The following PIGK variants were observed in gnomAD, a reference collection of about 807,000 sequenced individuals.
PIGK encodes GPI-anchor transamidase.
PIGK carries 42 observed loss-of-function variants against 50.6 expected under a neutral mutation model. That is an observed-to-expected ratio of 0.83 (90% CI 0.65 to 1.07). The LOEUF (loss-of-function observed/expected upper bound fraction) is 1.07, where lower values mean the gene tolerates loss of function less well. PIGK is among the 50% of genes least tolerant of loss of function. The pLI is 0.00. For synonymous variants in PIGK, 151 were observed against 156.0 expected (o/e 0.97, Z 0.24); for missense variants, 448 against 488.7 (o/e 0.92, Z 0.78).
chr1:77,120,590 A>G (rs1024948361), intron 10 of PIGK, among the ~76,000 whole-genome samples: 14 of 152,188 alleles, frequency 9.2e-5, no homozygotes, highest in African/African-American at 3.4e-4. Flanking sequence ...TTTCTAAAAG[A>G]CCAGTTGGAC....
chr1:77,219,189 C>G (rs1463507471), intron 1 of PIGK, 121 bp downstream of exon 1: 1 of 752,070 alleles, frequency 1.3e-6, no homozygotes, highest in African/African-American at 1.8e-5. Flanking sequence ...CCTCCTCAAA[C>G]CCAGCCTGGG....
At chr1:77,158,998 C>T (rs528386726) in intron 8 of PIGK, among the ~76,000 whole-genome samples, 1 of 152,260 alleles carries the variant, frequency 6.6e-6, no homozygotes, top group South Asian at 2.1e-4. Flanking sequence ...GGGAAAATGT[C>T]TCCAGGGCAT....
chr1:77,206,497 T>C, intron 3 of PIGK, 143 bp downstream of exon 3: 1 of 520,172 alleles, frequency 1.9e-6, no homozygotes, highest in South Asian at 2.8e-5. Context: ...CATGGTAGTA[T>C]GCTCTAATGA....
Position 77,154,624 on chromosome 1 carries a change from G to A in PIGK, c.814-3C>T. Reference sequence around the variant, plus strand: ...AGACTTTTGGGACATACCTGAAACTGAAAAAATATATAATAATAAATGCAT... The same window carrying A: ...AGACTTTTGGGACATACCTGAAACTAAAAAAATATATAATAATAAATGCAT... On this transcript the variant is annotated splice_polypyrimidine_tract_variant and splice_region_variant and intron_variant, in intron 8 of 10. Coordinates refer to ENST00000370812, the MANE Select transcript of PIGK (RefSeq NM_005482.3). 1 of 1,586,472 alleles carries A rather than the reference G, an allele frequency of 6.3e-7. No individual in the cohort carries two copies. Among genetic ancestry groups the A allele is most frequent in the South Asian group, 1.1e-5 (1 of 89,002 alleles).
intron 9 of PIGK, among the ~76,000 whole-genome samples, chr1:77,128,393 T>C (rs1049440321): frequency 6.6e-6 from 1 of 152,186 alleles, no homozygotes; most frequent in African/African-American, 2.4e-5. Flanking sequence ...TCCAATGTAG[T>C]ATAAAAATGC....
rs1261644266 is a variant in PIGK at position 77,092,451 on chromosome 1, T to C, written c.1111A>G (p.Ile371Val). ...LKDWHPPGGFILGLWALIIMV... is the reference protein window; with the variant it reads ...LKDWHPPGGFVLGLWALIIMV... ...ATAATAAGTGCCCATAATCCCAGAA[T>C]AAAGCCCCCAGGAGGATGCCAGTCT... Residue 371 changes from isoleucine to valine, a missense_variant, in exon 11 of 11, where the codon ATT (isoleucine) becomes GTT (valine). Physicochemically the swap from Ile to Val is conservative, Grantham distance 29. Transcript: ENST00000370812. The C allele has an allele frequency of 6.2e-7, 1 of 1,606,702 alleles. No individual in the cohort carries two copies. The highest frequency in any genetic ancestry group is 2.2e-5 in the East Asian group (1 of 44,606).
intron 3 of PIGK, among the ~76,000 whole-genome samples, chr1:77,175,627 C>G (rs1286429227): frequency 6.6e-6 from 1 of 152,020 alleles, no homozygotes; most frequent in Non-Finnish European, 1.5e-5. Context: ...AGAGGGTTAA[C>G]AGATTGTTTT....
At chr1:77,210,698 C>A (rs985301406) in intron 1 of PIGK, among the ~76,000 whole-genome samples, 11 of 152,016 alleles carry the variant, frequency 7.2e-5, no homozygotes, top group Non-Finnish European at 1.3e-4. Flanking sequence ...AAGTCCTGAA[C>A]TGGAAATCTG....
intron 3 of PIGK, 77 bp from the exon 4 acceptor site, chr1:77,169,472 A>G (rs1655309132): frequency 8.6e-7 from 1 of 1,167,472 alleles, no homozygotes; most frequent in South Asian, 1.5e-5. Context: ...TATATCATGT[A>G]GCTACTGTGT....
At chr1:77,099,614 C>T (rs1653497518) in intron 10 of PIGK, among the ~76,000 whole-genome samples, 1 of 152,144 alleles carries the variant, frequency 6.6e-6, no homozygotes, top group South Asian at 2.1e-4. Context: ...ATATCGCTGA[C>T]ATATGACAAC....
At chr1:77,215,710 G>T (rs1263606215) in intron 1 of PIGK, among the ~76,000 whole-genome samples, 1 of 152,130 alleles carries the variant, frequency 6.6e-6, no homozygotes. Context: ...AAATGTGTGT[G>T]TGTGCGTGCA....
intron 9 of PIGK, among the ~76,000 whole-genome samples, chr1:77,141,953 G>A (rs748308795): frequency 3.3e-4 from 50 of 152,038 alleles, no homozygotes; most frequent in Middle Eastern, 3.5e-3. Flanking sequence ...TCACAGATCC[G>A]TATCATTTAC....
At position 77,142,634 on chromosome 1, in the gene PIGK, G is replaced by A. The variant is rs115200852; in HGVS notation, c.986+11815C>T. On this transcript the variant is annotated intron_variant, in intron 9 of 10. Coordinates refer to ENST00000370812, the MANE Select transcript of PIGK (RefSeq NM_005482.3). ...TACGAACATGGCAGAAGGCAAAGGGGAAGCAAGGACCTTCTTCATATGGTG... is the reference window on the plus strand; with the variant it reads ...TACGAACATGGCAGAAGGCAAAGGGAAAGCAAGGACCTTCTTCATATGGTG... Among the ~76,000 whole-genome samples the A allele has an allele frequency of 5.9e-3, 899 of 152,236 alleles. 3 individuals are homozygous for A. Among genetic ancestry groups the A allele is most frequent in the Non-Finnish European group, 8.6e-3 (588 of 68,006 alleles).
In PIGK at chr1:77,163,856, G is replaced by A; in HGVS notation, c.574C>T (p.Gln192Ter). 6.3e-7 allele frequency: 1 copy of A among 1,594,534 alleles called. No individual in the cohort carries two copies. The highest frequency in any genetic ancestry group is 8.6e-7 in the Non-Finnish European group (1 of 1,164,898). ...TAATTTGCTAATTACCGTCTTTTCT[G>A]CCACATTTGTTCAAAAGCATCCGCG... ...ELADAFEQMW[Q>*]KRRYNELLFI... is the part of the protein sequence containing the mutation. The change falls in exon 6 of 11, where the codon CAG (glutamine) becomes TAG (stop). Residue 192 changes from glutamine to a stop codon, truncating the protein, a stop_gained. Coordinates refer to ENST00000370812, the MANE Select transcript of PIGK (RefSeq NM_005482.3). LOFTEE classifies it high-confidence loss of function.
rs763119489 is a variant in PIGK at position 77,116,562 on chromosome 1, CTGTGTGTGTG to C, written c.1071+5703_1071+5712del. Among the ~76,000 whole-genome samples the C allele has an allele frequency of 3.6e-3, 492 of 135,088 alleles. 4 individuals are homozygous for C. Among genetic ancestry groups the C allele is most frequent in the Non-Finnish European group, 3.8e-3 (247 of 64,588 alleles). The allele number at this position is 135,088 out of a possible 152,430, so 88.6% of individuals were successfully genotyped here. A position where few individuals can be genotyped will look rare whatever the true frequency, so the allele number is the denominator to read the frequency against. Reference sequence around the variant, plus strand: ...CTAAACAAGCTGTTTAAATGTGTCTCTGTGTGTGTGTGTGTGTGTGTGTGTGTGTGTGTGC... The same window carrying C: ...CTAAACAAGCTGTTTAAATGTGTCTCTGTGTGTGTGTGTGTGTGTGTGTGC... On this transcript the variant is annotated intron_variant, in intron 10 of 10. Transcript: ENST00000370812.
At chr1:77,128,616 T>C (rs576135949) in intron 9 of PIGK, among the ~76,000 whole-genome samples, 7 of 152,160 alleles carry the variant, frequency 4.6e-5, no homozygotes, top group African/African-American at 1.7e-4. Context: ...AATTCTAAAA[T>C]AGTAGTGTAG....
At position 77,092,372 on chromosome 1, in the gene PIGK, G is replaced by C. The variant is rs1048575; in HGVS notation, c.*2C>G. The C allele has an allele frequency of 0.27, 354,283 of 1,326,028 alleles. 50,293 individuals carry two copies. The highest frequency in any genetic ancestry group is 0.42 in the African/African-American group (28,415 of 68,316). The allele number at this position is 1,326,028 out of a possible 1,614,324, so 82.1% of individuals were successfully genotyped here. A position where few individuals can be genotyped will look rare whatever the true frequency, so the allele number is the denominator to read the frequency against. ...CCATGCATTCTTCATTCATCATCAAGTCTAAAAAATGAACTTCATATGCTT... is the reference window on the plus strand; with the variant it reads ...CCATGCATTCTTCATTCATCATCAACTCTAAAAAATGAACTTCATATGCTT... On this transcript the variant is annotated 3_prime_UTR_variant, in exon 11 of 11. Transcript: ENST00000370812.
chr1:77,151,424 T>C (rs1428470193), intron 9 of PIGK, among the ~76,000 whole-genome samples: 1 of 152,296 alleles, frequency 6.6e-6, no homozygotes, highest in Non-Finnish European at 1.5e-5. Context: ...GACTTTCCAC[T>C]AAGATCTGGA....
At chr1:77,162,706 A>AT (rs1371748559) in intron 6 of PIGK, among the ~76,000 whole-genome samples, 1 of 152,196 alleles carries the variant, frequency 6.6e-6, no homozygotes, top group Non-Finnish European at 1.5e-5. Flanking sequence ...AACAGCTAAC[A>AT]TGGAACCTAG....
Sources: allele counts gnomAD v4.1 joint callset (sites outside exome capture counted in the v4.1 genomes callset), GRCh38; gene constraint gnomAD v4.1.1; transcripts MANE v1.5; gene names NCBI Gene and HGNC (gene_info 2026-07-23, HGNC 2026-07-21).